Variants in FGF22 observed in about 807,000 individuals in gnomAD.
The protein encoded by FGF22 is FGF-22.
Under a neutral mutation model 10.3 loss-of-function variants are expected in FGF22, and 11 were observed. That is an observed-to-expected ratio of 1.07 (90% CI 0.67 to 1.77). The LOEUF (loss-of-function observed/expected upper bound fraction) is 1.77, where lower values mean the gene tolerates loss of function less well. Among genes scored for constraint, FGF22 ranks in the 40% most tolerant of loss-of-function variants. FGF22 has a pLI of 0.00. For synonymous variants in FGF22, 136 were observed against 122.1 expected (o/e 1.11, Z -0.75); for missense variants, 317 against 273.2 (o/e 1.16, Z -1.13).
At chr19:643,728 C>T in exon 3 of FGF22, 1 of 871,456 alleles carries the variant, frequency 1.1e-6, no homozygotes, top group East Asian at 2.7e-5. Context: ...GCGCTGTGGA[C>T]ACAGCCCAGG....
At chr19:643,317 C>T in exon 2 of FGF22, 1 of 1,589,822 alleles carries the variant, frequency 6.3e-7, no homozygotes, top group Non-Finnish European at 8.6e-7. Flanking sequence ...CCATGAACCG[C>T]CGGGGCCGCC....
At chr19:639,950 C>T (rs988480833) in exon 1 of FGF22, 8 of 1,245,070 alleles carry the variant, frequency 6.4e-6, no homozygotes, top group Non-Finnish European at 8.0e-6. Context: ...GTGGCTGGGC[C>T]TGGCCTGGCT....
rs560163288 is a variant in FGF22, at chr19:640,143, A to G, written c.214+4A>G. 5.4e-5 allele frequency: 68 copies of G among 1,268,068 alleles called. No homozygotes were observed. The African/African-American group carries it at 9.3e-4, about 17-fold the overall frequency. The allele number at this position is 1,268,068 out of a possible 1,614,324, so 78.6% of individuals were successfully genotyped here. ...CGCTGGCGCCACGGCCAGGACAGTG[A>G]GTGCGGGGCGGCGGGGGCCTGGGGT... On this transcript the variant is annotated splice_donor_region_variant and intron_variant, in intron 1 of 2. Coordinates refer to ENST00000215530, the Ensembl canonical transcript of FGF22.
At chr19:640,130 G>A (rs1411722302) in exon 1 of FGF22, 1 of 1,334,788 alleles carries the variant, frequency 7.5e-7, no homozygotes, top group Non-Finnish European at 9.6e-7. Context: ...CTGGCGCCAC[G>A]GCCAGGACAG....
At chr19:644,032 C>G in exon 3 of FGF22, 1 of 208,306 alleles carries the variant, frequency 4.8e-6, no homozygotes, top group Non-Finnish European at 9.5e-6. Flanking sequence ...GCAAATACAA[C>G]GCCTTGCGAG....
intron 1 of FGF22, among the ~76,000 whole-genome samples, chr19:642,613 T>G (rs1985940317): frequency 8.9e-6 from 1 of 111,764 alleles, no homozygotes; most frequent in African/African-American, 3.5e-5. Flanking sequence ...CCTGGGGTGG[T>G]GTGAGCTCTG....
At chr19:640,224 G>A (rs1568183294) in intron 1 of FGF22, 85 bp downstream of exon 1, 2 of 941,882 alleles carry the variant, frequency 2.1e-6, no homozygotes, top group Non-Finnish European at 2.8e-6. Flanking sequence ...ACCTGCGCCC[G>A]CGGGGGAGTC....
At position 641,178 on chromosome 19, in the gene FGF22, AT is replaced by A. The variant is rs1448614274; in HGVS notation, c.214+1040del. ...GCACCTTGTGGGTGCTGTGCTCCGCATGGGGGACCCAGTGGTGACAGAGACG... is the reference window on the plus strand; with the variant it reads ...GCACCTTGTGGGTGCTGTGCTCCGCAGGGGGACCCAGTGGTGACAGAGACG... On this transcript the variant is annotated intron_variant, in intron 1 of 2. Transcript: ENST00000215530. The A allele has an allele frequency of 5.5e-5, 25 of 456,390 alleles. No individual in the cohort carries two copies. In the Admixed American group the frequency reaches 5.6e-4, roughly 10 times the overall value. The allele number at this position is 456,390 out of a possible 1,614,324, so 28.3% of individuals were successfully genotyped here.
rs541716417 is a variant in FGF22, at chr19:641,203, C to T, written c.214+1064C>T. The T allele has an allele frequency of 1.6e-3, 744 of 456,536 alleles. 2 individuals are homozygous for T. Among genetic ancestry groups the T allele is most frequent in the Non-Finnish European group, 2.4e-3 (549 of 226,934 alleles). The allele number at this position is 456,536 out of a possible 1,614,324, so 28.3% of individuals were successfully genotyped here. A position where few individuals can be genotyped will look rare whatever the true frequency, so the allele number is the denominator to read the frequency against. Reference sequence around the variant, plus strand: ...ATGGGGGACCCAGTGGTGACAGAGACGCCCACCCTCCTGGGGCTCCCAGAG... The same window carrying T: ...ATGGGGGACCCAGTGGTGACAGAGATGCCCACCCTCCTGGGGCTCCCAGAG... On this transcript the variant is annotated intron_variant, in intron 1 of 2. Coordinates refer to ENST00000215530, the Ensembl canonical transcript of FGF22.
At position 643,645 on chromosome 19, in the gene FGF22, G is replaced by C. The variant is rs934438413; in HGVS notation, c.*41G>C. On this transcript the variant is annotated 3_prime_UTR_variant, in exon 3 of 3. Coordinates refer to ENST00000215530, the Ensembl canonical transcript of FGF22. ...GCGGCTCCCCAAGGTGCCTGGGCTG[G>C]TGGCGAGGGGCCCGGCCACGCTTGT... 8 of 1,433,308 alleles carry C rather than the reference G, an allele frequency of 5.6e-6. No individual in the cohort carries two copies. In the African/African-American group the frequency reaches 8.6e-5, roughly 15 times the overall value. 88.8% of individuals were successfully genotyped at this position (1,433,308 alleles called of 1,614,324 possible).
chr19:641,766 A>G (rs1371536142), intron 1 of FGF22, among the ~76,000 whole-genome samples: 4 of 151,992 alleles, frequency 2.6e-5, no homozygotes, highest in Non-Finnish European at 5.9e-5. Context: ...TGTGTCCTGG[A>G]AGGTCGGGCT....
chr19:639,952 G>A lies in FGF22; in HGVS notation c.27G>A (p.Leu9=), dbSNP rs996525117. 1.5e-4 allele frequency: 191 copies of A among 1,250,184 alleles called. 1 individual carries two copies. The highest frequency in any genetic ancestry group is 1.9e-4 in the Non-Finnish European group (188 of 1,000,514). 77.4% of individuals were successfully genotyped at this position (1,250,184 alleles called of 1,614,324 possible). The change falls in exon 1 of 3, where the codon CTG becomes CTA. Residue 9 remains leucine, a synonymous_variant. Coordinates refer to ENST00000215530, the Ensembl canonical transcript of FGF22. ...TGCGCCGCCGCCTGTGGCTGGGCCT[G>A]GCCTGGCTGCTGCTGGCGCGGGCGC... is the stretch of plus-strand genomic sequence containing the variant.
At chr19:644,021 T>C in exon 3 of FGF22, 1 of 225,586 alleles carries the variant, frequency 4.4e-6, no homozygotes, top group East Asian at 1.0e-4. Context: ...CCCGGGAATC[T>C]GCAAATACAA....
intron 1 of FGF22, among the ~76,000 whole-genome samples, chr19:642,204 G>A (rs1023293732): frequency 6.8e-6 from 1 of 147,256 alleles, no homozygotes; most frequent in African/African-American, 2.5e-5. Flanking sequence ...CCGGGCAGCT[G>A]AGCTGTGAGG....
chr19:641,771 C>T (rs1364013999), intron 1 of FGF22, among the ~76,000 whole-genome samples: 1 of 152,076 alleles, frequency 6.6e-6, no homozygotes, highest in Non-Finnish European at 1.5e-5. Flanking sequence ...CCTGGAAGGT[C>T]GGGCTGGGAG....
intron 1 of FGF22, chr19:641,373 G>A (rs1376080123): frequency 1.9e-5 from 8 of 427,374 alleles, no homozygotes; most frequent in East Asian, 1.4e-4. Context: ...TCAGGAGATC[G>A]AGACCATCCC....
chr19:643,757 C>T (rs1985995463), exon 3 of FGF22: 1 of 668,510 alleles, frequency 1.5e-6, no homozygotes, highest in Non-Finnish European at 2.5e-6. Flanking sequence ...AGGGGGGTCC[C>T]AGCCTGAGGG....
rs560053579 is a variant in FGF22 at position 643,847 on chromosome 19, C to G, written c.*243C>G. 4 of 516,322 alleles carry G rather than the reference C, an allele frequency of 7.7e-6. No homozygotes were observed. In the East Asian group the frequency reaches 9.7e-5, roughly 12 times the overall value. 32.0% of individuals were successfully genotyped at this position (516,322 alleles called of 1,614,324 possible). ...AGGGCGCCTCTCGGGCTGAAGGACGCAGACGTCGAAAGGTCGAGGGGGACG... is the reference window on the plus strand; with the variant it reads ...AGGGCGCCTCTCGGGCTGAAGGACGGAGACGTCGAAAGGTCGAGGGGGACG... On this transcript the variant is annotated 3_prime_UTR_variant, in exon 3 of 3. Coordinates refer to ENST00000215530, the Ensembl canonical transcript of FGF22.
At position 643,537 on chromosome 19, in the gene FGF22, CCCGGCCAG is replaced by C. The variant is rs765896302; in HGVS notation, c.447_454del (p.Gly152AspfsTer20). 3 of 1,601,854 alleles carry C rather than the reference CCCGGCCAG, an allele frequency of 1.9e-6. No homozygotes were observed. In the South Asian group the frequency reaches 3.3e-5, roughly 18 times the overall value. On this transcript the variant is annotated frameshift_variant, in exon 3 of 3. Transcript: ENST00000215530. LOFTEE classifies it low-confidence loss of function (END_TRUNC). ...CTGGCGCTGGACAGGAGGGGGGGGC[CCCGGCCAG>C]GCGGCCGGACGCGGCGGTACCACCT...
Sources: gnomAD v4.1 joint callset for allele counts (sites outside exome capture counted in the v4.1 genomes callset) on GRCh38, gnomAD v4.1.1 for gene constraint, MANE v1.5 for transcripts, NCBI Gene and HGNC (gene_info 2026-07-23, HGNC 2026-07-21) for gene names.